GOLT1B: variants seen among roughly 807,000 people sequenced by gnomAD.
GOLT1B encodes vesicle transport protein GOT1B.
GOLT1B carries 3 observed loss-of-function variants against 15.4 expected under a neutral mutation model. That is an observed-to-expected ratio of 0.19 (90% CI 0.09 to 0.50). The LOEUF is 0.50. Among genes scored for constraint, GOLT1B ranks in the 20% least tolerant of loss-of-function variants. The pLI is 0.97. For synonymous variants in GOLT1B, 65 were observed against 56.2 expected, an observed-to-expected ratio of 1.16 and a Z score of -0.70; for missense variants, 145 against 160.4, an observed-to-expected ratio of 0.90 and a Z score of 0.52.
In GOLT1B at chr12:21,515,871, C is replaced by G; in HGVS notation, c.*164C>G. 1 of 487,690 alleles carries G rather than the reference C, an allele frequency of 2.1e-6. No individual in the cohort carries two copies. Among genetic ancestry groups the G allele is most frequent in the Non-Finnish European group, 3.6e-6 (1 of 281,250 alleles). The allele number at this position is 487,690 out of a possible 1,614,324, so 30.2% of individuals were successfully genotyped here. On this transcript the variant is annotated 3_prime_UTR_variant, in exon 5 of 5. Coordinates refer to ENST00000229314, the MANE Select transcript of GOLT1B (RefSeq NM_016072.5). ...TACCAGCAGCAAATTAGCAAAGAAG[C>G]AGTGAAAACAGGCTTCTACTCAAGT...
At chr12:21,514,128 C>A (rs986171124) in intron 4 of GOLT1B, among the ~76,000 whole-genome samples, 1 of 152,148 alleles carries the variant, frequency 6.6e-6, no homozygotes. Flanking sequence ...TGGCTACAAT[C>A]CTTTTGGCTC....
At chr12:21,507,173 C>G (rs1021009030) in intron 2 of GOLT1B, 197 bp downstream of exon 2, 78 of 594,974 alleles carry the variant, frequency 1.3e-4, no homozygotes, top group Middle Eastern at 6.9e-4. Flanking sequence ...ATGAGGTTTT[C>G]TAATTCCATA....
chr12:21,507,402 T>C (rs1943686554), intron 2 of GOLT1B: 2 of 217,092 alleles, frequency 9.2e-6, no homozygotes, highest in Admixed American at 1.1e-4. Context: ...ATGGTTGACT[T>C]GCTTAGAAAG....
intron 2 of GOLT1B, chr12:21,507,284 G>A: frequency 4.1e-6 from 1 of 241,370 alleles, no homozygotes; most frequent in Non-Finnish European, 8.1e-6. Context: ...TTCATGTCTT[G>A]ATAAATCACT....
At chr12:21,507,277 A>G (rs1358028797) in intron 2 of GOLT1B, 2 of 254,818 alleles carry the variant, frequency 7.8e-6, no homozygotes, top group African/African-American at 4.6e-5. Context: ...TGATAGTTTC[A>G]TGTCTTGATA....
intron 1 of GOLT1B, 23 bp downstream of exon 1, chr12:21,501,971 C>T (rs750322530): frequency 1.3e-6 from 2 of 1,569,212 alleles, no homozygotes; most frequent in South Asian, 1.1e-5. Context: ...TCCGGGGCCC[C>T]CGCCTCGAGC....
chr12:21,503,657 A>T (rs1362430558), intron 1 of GOLT1B, among the ~76,000 whole-genome samples: 1 of 152,192 alleles, frequency 6.6e-6, no homozygotes, highest in African/African-American at 2.4e-5. Context: ...GAAACAGTGG[A>T]TTGAAACATA....
intron 4 of GOLT1B, 115 bp downstream of exon 4, chr12:21,512,491 T>G (rs1282187276): frequency 1.5e-6 from 1 of 663,664 alleles, no homozygotes; most frequent in South Asian, 1.9e-5. Context: ...TATGATATAG[T>G]TACTTCACAT....
chr12:21,504,691 T>C (rs1429525505), intron 1 of GOLT1B: 3 of 458,258 alleles, frequency 6.5e-6, no homozygotes, highest in East Asian at 6.8e-5. Flanking sequence ...ATATGAACCA[T>C]AGGACCAGTG....
chr12:21,504,449 A>G, intron 1 of GOLT1B: 2 of 437,942 alleles, frequency 4.6e-6, no homozygotes, highest in South Asian at 3.2e-5. Context: ...AGTTGTGGCA[A>G]AGATGTTTTG....
At position 21,517,559 on chromosome 12, in the gene GOLT1B, T is replaced by C. The variant is rs1482856916; in HGVS notation, c.*1852T>C. 1 of 152,110 alleles carries C rather than the reference T, an allele frequency of 6.6e-6. No individual in the cohort carries two copies. Among genetic ancestry groups the C allele is most frequent in the Admixed American group, 6.5e-5 (1 of 15,288 alleles). 9.4% of individuals were successfully genotyped at this position (152,110 alleles called of 1,614,324 possible). A position where few individuals can be genotyped will look rare whatever the true frequency, so the allele number is the denominator to read the frequency against. On this transcript the variant is annotated 3_prime_UTR_variant, in exon 5 of 5. Coordinates refer to ENST00000229314, the MANE Select transcript of GOLT1B (RefSeq NM_016072.5). ...TTAGAGCAAGAATAGTATCTGCTAA[T>C]GTAAGGGACATCTGTATTTAACTCC...
Position 21,515,666 on chromosome 12 carries a change from C to A in GOLT1B, c.379-3C>A, listed in dbSNP as rs1310968167. The A allele has an allele frequency of 2.2e-6, 3 of 1,343,282 alleles. No homozygotes were observed. The highest frequency in any genetic ancestry group is 2.1e-6 in the Non-Finnish European group (2 of 944,326). 83.2% of individuals were successfully genotyped at this position (1,343,282 alleles called of 1,614,324 possible). A position where few individuals can be genotyped will look rare whatever the true frequency, so the allele number is the denominator to read the frequency against. The stretch of plus-strand genomic sequence containing the variant: ...TAATTCTCTGTTTTTCTTCTCCTTA[C>A]AGTTTGTAGATAAAGTTGGAGAAAG... On this transcript the variant is annotated splice_polypyrimidine_tract_variant and splice_region_variant and intron_variant, in intron 4 of 4. Coordinates refer to ENST00000229314, the MANE Select transcript of GOLT1B (RefSeq NM_016072.5).
rs779945301 is a variant in GOLT1B, at chr12:21,515,658, TCTC to T, written c.379-8_379-6del. 1.5e-6 allele frequency: 2 copies of T among 1,311,532 alleles called. No homozygotes were observed. Among genetic ancestry groups the T allele is most frequent in the South Asian group, 1.3e-5 (1 of 79,832 alleles). 81.2% of individuals were successfully genotyped at this position (1,311,532 alleles called of 1,614,324 possible). A position where few individuals can be genotyped will look rare whatever the true frequency, so the allele number is the denominator to read the frequency against. The stretch of plus-strand genomic sequence containing the variant: ...GCTTTCTTTAATTCTCTGTTTTTCT[TCTC>T]CTTACAGTTTGTAGATAAAGTTGGA... On this transcript the variant is annotated splice_region_variant and splice_polypyrimidine_tract_variant and intron_variant, in intron 4 of 4. Transcript: ENST00000229314.
intron 1 of GOLT1B, among the ~76,000 whole-genome samples, chr12:21,503,835 A>G (rs572621860): frequency 6.7e-6 from 1 of 150,332 alleles, no homozygotes; most frequent in Admixed American, 6.7e-5. Flanking sequence ...ATGGAAATTC[A>G]TGATTATTTT....
chr12:21,515,673 T>A lies in GOLT1B; in HGVS notation c.383T>A (p.Val128Glu). Residue 128 changes from valine (V) to glutamate (E), a missense_variant, in exon 5 of 5, where the codon GTA becomes GAA. By Grantham distance (121) the Val-to-Glu change is moderately radical. Coordinates refer to ENST00000229314, the MANE Select transcript of GOLT1B (RefSeq NM_016072.5). ...CTGTTTTTCTTCTCCTTACAGTTTG[T>A]AGATAAAGTTGGAGAAAGCAACAAT... ...LLNLPGIRSF[V>E]DKVGESNNMV is the part of the protein sequence containing the mutation. The A allele has an allele frequency of 7.3e-7, 1 of 1,368,274 alleles. No homozygotes were observed. The highest frequency in any genetic ancestry group is 2.3e-5 in the East Asian group (1 of 43,058). 84.8% of individuals were successfully genotyped at this position (1,368,274 alleles called of 1,614,324 possible).
intron 1 of GOLT1B, 129 bp downstream of exon 1, chr12:21,502,077 G>T: frequency 1.4e-6 from 1 of 732,846 alleles, no homozygotes. Flanking sequence ...ACAGAGCTAG[G>T]GCTGCTGGGA....
At chr12:21,502,645 G>T (rs985598353) in intron 1 of GOLT1B, among the ~76,000 whole-genome samples, 5 of 152,132 alleles carry the variant, frequency 3.3e-5, no homozygotes, top group African/African-American at 7.2e-5. Flanking sequence ...CTCTCTGCCT[G>T]CCACAGAGTT....
chr12:21,507,139 G>T (rs1236058247), intron 2 of GOLT1B, 163 bp downstream of exon 2: 5 of 652,080 alleles, frequency 7.7e-6, no homozygotes, highest in Non-Finnish European at 1.1e-5. Flanking sequence ...TCAGCTTTCT[G>T]TTTAAATAAA....
chr12:21,507,514 A>ATGTGTG (rs148998436), intron 2 of GOLT1B, among the ~76,000 whole-genome samples: 2,166 of 147,426 alleles, frequency 0.015, 24 homozygotes, highest in African/African-American at 0.019. Context: ...AAGACACTGT[A>ATGTGTG]TGTGTGTGTG....
Sources: allele counts gnomAD v4.1 joint callset (sites outside exome capture counted in the v4.1 genomes callset), GRCh38; gene constraint gnomAD v4.1.1; transcripts MANE v1.5; gene names NCBI Gene and HGNC (gene_info 2026-07-23, HGNC 2026-07-21).